The following SDK1 variants were observed in gnomAD, a reference collection of about 807,000 sequenced individuals.
SDK1 encodes sidekick cell adhesion molecule 1.
Under a neutral mutation model 245.5 loss-of-function variants are expected in SDK1, and 157 were observed. The observed-to-expected ratio is 0.64, with a 90% CI of 0.56 to 0.73. The LOEUF (loss-of-function observed/expected upper bound fraction) is 0.73. SDK1 is among the 30% of genes least tolerant of loss of function. SDK1 has a pLI of 0.00. For missense variants in SDK1, 3,583 were observed against 3,002.3 expected (o/e 1.19, Z -4.52); for synonymous variants, 1,647 against 1,278.5 (o/e 1.29, Z -6.15).
chr7:3,969,536 G>C, intron 11 of SDK1, 112 bp downstream of exon 11: 1 of 720,396 alleles, frequency 1.4e-6, no homozygotes, highest in Non-Finnish European at 2.0e-6. Context: ...TTAATCAAAA[G>C]AGAATGATTA....
Position 3,723,975 on chromosome 7 carries a change from GAGAA to G in SDK1, c.713+81874_713+81877del, listed in dbSNP as rs1186065192. ...AGAGAGAGAGAGAGAGAGAGAGAGAGAGAAAGAGAGAGAGAGTCTCACCTGTTGC... is the reference window on the plus strand; with the variant it reads ...AGAGAGAGAGAGAGAGAGAGAGAGAGAGAGAGAGAGAGTCTCACCTGTTGC... On this transcript the variant is annotated intron_variant, in intron 4 of 44. Transcript: ENST00000404826. Among the ~76,000 whole-genome samples the G allele has an allele frequency of 2.4e-4, 35 of 144,954 alleles. 2 individuals are homozygous for G. The highest frequency in any genetic ancestry group is 6.7e-4 in the African/African-American group (25 of 37,584).
chr7:4,221,945 G>C (rs1002360843), intron 40 of SDK1, among the ~76,000 whole-genome samples: 1 of 152,036 alleles, frequency 6.6e-6, no homozygotes, highest in South Asian at 2.1e-4. Flanking sequence ...GTTTCTGATC[G>C]GGTGCGTCGG....
At chr7:3,770,354 C>G (rs903287212) in intron 4 of SDK1, among the ~76,000 whole-genome samples, 11 of 152,108 alleles carry the variant, frequency 7.2e-5, no homozygotes, top group African/African-American at 2.7e-4. Flanking sequence ...GTTTGTTTCG[C>G]CATTCACCTA....
Position 3,736,840 on chromosome 7 carries a change from T to C in SDK1, c.714-84610T>C, listed in dbSNP as rs112194698. 4.5e-3 allele frequency among the ~76,000 whole-genome samples: 680 copies of C among 152,266 alleles called. 10 individuals are homozygous for C. Among genetic ancestry groups the C allele is most frequent in the African/African-American group, 0.015 (627 of 41,530 alleles). On this transcript the variant is annotated intron_variant, in intron 4 of 44. Coordinates refer to ENST00000404826, the MANE Select transcript of SDK1 (RefSeq NM_152744.4). ...TTTCTAACAAACTTCAAATGTACAA[T>C]ACAGTATTATTAACTGCAGTCACCA...
At chr7:3,766,762 C>G (rs1402677660) in intron 4 of SDK1, among the ~76,000 whole-genome samples, 1 of 152,002 alleles carries the variant, frequency 6.6e-6, no homozygotes, top group Non-Finnish European at 1.5e-5. Context: ...AGGGCTTGTT[C>G]CTTTGAATTT....
intron 22 of SDK1, among the ~76,000 whole-genome samples, chr7:4,098,783 C>A (rs1362509476): frequency 6.6e-6 from 1 of 151,344 alleles, no homozygotes; most frequent in East Asian, 1.9e-4. Flanking sequence ...CCCACCTCAG[C>A]CTCCCGAGTA....
At chr7:3,319,363 GGGGTTGAGT>G (rs1232441312) in intron 1 of SDK1, among the ~76,000 whole-genome samples, 1 of 152,106 alleles carries the variant, frequency 6.6e-6, no homozygotes, top group African/African-American at 2.4e-5. Context: ...GGTCTTGTAA[GGGGTTGAGT>G]GCCTGTAAGA....
chr7:4,101,512 T>C (rs1356211544), intron 22 of SDK1, among the ~76,000 whole-genome samples: 1 of 152,124 alleles, frequency 6.6e-6, no homozygotes, highest in Admixed American at 6.5e-5. Context: ...GTTGGGAGCT[T>C]CTACATCAGG....
chr7:4,076,672 G>T (rs139371542), intron 20 of SDK1, among the ~76,000 whole-genome samples: 6 of 152,178 alleles, frequency 3.9e-5, no homozygotes, highest in Non-Finnish European at 5.9e-5. Flanking sequence ...GGCAGCTGTC[G>T]TCATGTTTCA....
At chr7:3,395,286 A>T (rs527708903) in intron 1 of SDK1, among the ~76,000 whole-genome samples, 2 of 151,898 alleles carry the variant, frequency 1.3e-5, no homozygotes, top group South Asian at 4.1e-4. Flanking sequence ...ATTGATTTTT[A>T]GCTGTTAAAA....
intron 25 of SDK1, among the ~76,000 whole-genome samples, chr7:4,120,626 CT>C (rs1182090939): frequency 1.5e-5 from 2 of 137,898 alleles, no homozygotes; most frequent in African/African-American, 2.6e-5. Flanking sequence ...AAATAATACT[CT>C]TTTTTTTGAG....
intron 4 of SDK1, among the ~76,000 whole-genome samples, chr7:3,805,857 A>G (rs1779228269): frequency 6.6e-6 from 1 of 152,182 alleles, no homozygotes; most frequent in Non-Finnish European, 1.5e-5. Flanking sequence ...ATGGAGAACC[A>G]AAACACTTCT....
intron 1 of SDK1, among the ~76,000 whole-genome samples, chr7:3,421,141 G>C (rs941293891): frequency 3.8e-5 from 5 of 132,140 alleles, no homozygotes; most frequent in African/African-American, 1.5e-4. Flanking sequence ...GCGTGATCTT[G>C]TCTCACTGCA....
At chr7:3,372,148 G>A (rs1781243304) in intron 1 of SDK1, among the ~76,000 whole-genome samples, 1 of 152,166 alleles carries the variant, frequency 6.6e-6, no homozygotes, top group Non-Finnish European at 1.5e-5. Context: ...CCACGGAGGA[G>A]ACCACCCTTA....
chr7:3,599,009 C>G (rs145324413), intron 1 of SDK1, among the ~76,000 whole-genome samples: 12 of 149,468 alleles, frequency 8.0e-5, no homozygotes, highest in African/African-American at 2.9e-4. Context: ...TGCATGCTTG[C>G]TTTTATCAGA....
intron 18 of SDK1, among the ~76,000 whole-genome samples, chr7:4,050,280 T>C (rs957504634): frequency 6.6e-6 from 1 of 152,224 alleles, no homozygotes; most frequent in African/African-American, 2.4e-5. Context: ...TTCAACTTAC[T>C]AAAACACTGA....
chr7:3,449,900 T>A (rs73293197), intron 1 of SDK1, among the ~76,000 whole-genome samples: 2,087 of 152,306 alleles, frequency 0.014, 59 homozygotes, highest in African/African-American at 0.048. Flanking sequence ...GCAGAACTGT[T>A]TATTAACAAT....
intron 4 of SDK1, among the ~76,000 whole-genome samples, chr7:3,802,130 C>T (rs1199087343): frequency 6.6e-6 from 1 of 152,192 alleles, no homozygotes; most frequent in Non-Finnish European, 1.5e-5. Flanking sequence ...TTTTATACCA[C>T]TGTAGTGCAA....
intron 4 of SDK1, among the ~76,000 whole-genome samples, chr7:3,723,401 C>T (rs556225743): frequency 1.4e-4 from 21 of 152,164 alleles, no homozygotes; most frequent in Non-Finnish European, 2.4e-4. Flanking sequence ...CTTCTAAGGG[C>T]TGCTACTATA....
Sources: allele counts gnomAD v4.1 joint callset (sites outside exome capture counted in the v4.1 genomes callset), GRCh38; gene constraint gnomAD v4.1.1; transcripts MANE v1.5; gene names NCBI Gene and HGNC (gene_info 2026-07-23, HGNC 2026-07-21).